The following TET3 variants were observed in gnomAD, a reference collection of about 807,000 sequenced individuals.
TET3 encodes tet methylcytosine dioxygenase 3.
TET3 carries 19 observed loss-of-function variants against 141.4 expected under a neutral mutation model. The ratio of observed to expected loss-of-function variants is 0.13; its 90% confidence interval spans 0.09 to 0.20. The LOEUF (loss-of-function observed/expected upper bound fraction) is 0.20. Among genes scored for constraint, TET3 ranks in the 10% least tolerant of loss-of-function variants. The pLI is 1.00. For missense variants in TET3, 1,874 were observed against 2,356.9 expected, an observed-to-expected ratio of 0.80 and a Z score of 4.24; for synonymous variants, 1,043 against 980.9, an observed-to-expected ratio of 1.06 and a Z score of -1.18.
intron 3 of TET3, among the ~76,000 whole-genome samples, chr2:74,031,929 A>G (rs769464904): frequency 1.8e-4 from 27 of 152,274 alleles, no homozygotes; most frequent in Admixed American, 1.0e-3. Context: ...GGCATCCACT[A>G]TTGACTCTGA....
chr2:74,039,409 T>A (rs532494467), intron 3 of TET3, among the ~76,000 whole-genome samples: 3 of 152,216 alleles, frequency 2.0e-5, no homozygotes, highest in Non-Finnish European at 2.9e-5. Context: ...CACAGGCCCC[T>A]GTAGATACTG....
At chr2:74,034,823 G>A (rs115068327) in intron 3 of TET3, among the ~76,000 whole-genome samples, 4 of 152,166 alleles carry the variant, frequency 2.6e-5, no homozygotes, top group African/African-American at 9.6e-5. Flanking sequence ...GTGCATGTTT[G>A]ACATTAAAAG....
chr2:74,049,601 CT>C (rs1204430179), intron 4 of TET3, among the ~76,000 whole-genome samples: 1 of 152,124 alleles, frequency 6.6e-6, no homozygotes, highest in Non-Finnish European at 1.5e-5. Flanking sequence ...ATATTGAATT[CT>C]TGTGATTTTG....
In TET3 at chr2:74,046,142, G is replaced by T; in HGVS notation, c.361-136G>T. On this transcript the variant is annotated intron_variant, in intron 3 of 11. Transcript: ENST00000409262. This position sits in a 1 kb window ranked among gnomAD's most constrained non-coding sequence, Gnocchi z 4.3. ...AGAGACATGGGAAGATGAATTGGAG[G>T]CTCAAGAAGTACCAGAGAGAGGATT... The T allele has an allele frequency of 1.5e-6, 1 of 670,148 alleles. No individual in the cohort carries two copies. The highest frequency in any genetic ancestry group is 1.8e-5 in the African/African-American group (1 of 54,452). 41.5% of individuals were successfully genotyped at this position (670,148 alleles called of 1,614,324 possible). A position where few individuals can be genotyped will look rare whatever the true frequency, so the allele number is the denominator to read the frequency against.
At chr2:73,996,638 G>C (rs1684606510) in intron 2 of TET3, among the ~76,000 whole-genome samples, 1 of 152,158 alleles carries the variant, frequency 6.6e-6, no homozygotes, top group Non-Finnish European at 1.5e-5. Flanking sequence ...CTCCTGAGTA[G>C]CTGGGATTAC....
At chr2:74,074,261 G>GAA (rs1260857435) in intron 5 of TET3, among the ~76,000 whole-genome samples, 1 of 152,156 alleles carries the variant, frequency 6.6e-6, no homozygotes, top group East Asian at 1.9e-4. Context: ...TTTATTGGAG[G>GAA]AAAAGGTATT....
At chr2:74,024,547 G>A (rs540202351) in intron 3 of TET3, among the ~76,000 whole-genome samples, 6 of 152,198 alleles carry the variant, frequency 3.9e-5, no homozygotes, top group Admixed American at 1.3e-4. Context: ...GGTGTCTGGG[G>A]CTCAGTGTCC....
rs191198364 is a variant in TET3 at position 74,086,018 on chromosome 2, C to T, written c.2680-1812C>T. Among the ~76,000 whole-genome samples the T allele has an allele frequency of 1.9e-3, 297 of 152,328 alleles. 2 individuals are homozygous for T. The highest frequency in any genetic ancestry group is 2.9e-3 in the Non-Finnish European group (197 of 68,030). ...TCAATGGTGTTCCAGCTGGTCTCCC[C>T]GTCTTGCCCTTCTCCCGATTTTCTG... On this transcript the variant is annotated intron_variant, in intron 6 of 11. Transcript: ENST00000409262.
the TET3 span, chr2:74,120,699 A>C: frequency 6.6e-6 from 1 of 152,316 alleles, no homozygotes; most frequent in Non-Finnish European, 1.5e-5. Context: ...GATCAGTTTG[A>C]CAACTTAGAA....
At chr2:74,016,605 C>T (rs1427949470) in intron 3 of TET3, among the ~76,000 whole-genome samples, 1 of 152,016 alleles carries the variant, frequency 6.6e-6, no homozygotes, top group East Asian at 1.9e-4. Context: ...GCCTGTAGTT[C>T]CAGCTATTTG....
chr2:74,127,189 TC>T, the TET3 span, among the ~76,000 whole-genome samples: 10 of 152,224 alleles, frequency 6.6e-5, no homozygotes, highest in Admixed American at 6.6e-4. Flanking sequence ...AGGGACGGAC[TC>T]ATGCTTGTTG....
At position 74,003,176 on chromosome 2, in the gene TET3, G is replaced by A; in HGVS notation, c.360+10G>A. 2 of 1,547,564 alleles carry A rather than the reference G, an allele frequency of 1.3e-6. No homozygotes were observed. The highest frequency in any genetic ancestry group is 1.7e-6 in the Non-Finnish European group (2 of 1,145,710). ...AGGAGCGGCTGTCAAGGTACCTTGT[G>A]TGTGTGCGTGCGTGTGTGTGCGTGT... On this transcript the variant is annotated intron_variant, in intron 3 of 11. Coordinates refer to ENST00000409262, the MANE Select transcript of TET3 (RefSeq NM_001287491.2).
chr2:74,053,039 T>C (rs1438597219), intron 4 of TET3, among the ~76,000 whole-genome samples: 2 of 152,220 alleles, frequency 1.3e-5, no homozygotes, highest in Admixed American at 1.3e-4. Context: ...TGGATTTTTT[T>C]ATCTGAATCT....
chr2:74,036,697 C>T (rs902423954), intron 3 of TET3, among the ~76,000 whole-genome samples: 3 of 152,194 alleles, frequency 2.0e-5, no homozygotes, highest in African/African-American at 7.2e-5. Context: ...GAATGTGCGA[C>T]AATTTGCATG....
intron 4 of TET3, among the ~76,000 whole-genome samples, chr2:74,051,890 A>G (rs1426006295): frequency 6.6e-6 from 1 of 152,238 alleles, no homozygotes; most frequent in Non-Finnish European, 1.5e-5. Context: ...CACTAAAACA[A>G]TGGTAGTAGA....
chr2:74,058,046 A>G (rs1462684627), intron 4 of TET3, among the ~76,000 whole-genome samples: 1 of 152,220 alleles, frequency 6.6e-6, no homozygotes, highest in Non-Finnish European at 1.5e-5. Flanking sequence ...ATAAAAAATG[A>G]AAGATGAGGT....
intron 6 of TET3, among the ~76,000 whole-genome samples, chr2:74,086,574 G>A (rs1205283995): frequency 6.6e-6 from 1 of 151,994 alleles, no homozygotes; most frequent in Non-Finnish European, 1.5e-5. Flanking sequence ...GATCACGTGA[G>A]CCCCAGCAGT....
At chr2:74,056,216 G>T (rs982137569) in intron 4 of TET3, among the ~76,000 whole-genome samples, 2 of 152,214 alleles carry the variant, frequency 1.3e-5, no homozygotes, top group Non-Finnish European at 2.9e-5. Context: ...CTGGAAAAAT[G>T]TGGATGCCTT....
rs2104246545 is a variant in TET3, at chr2:74,103,019, G to A, written c.*843G>A. On this transcript the variant is annotated 3_prime_UTR_variant, in exon 12 of 12. Coordinates refer to ENST00000409262, the MANE Select transcript of TET3 (RefSeq NM_001287491.2). Reference sequence around the variant, plus strand: ...CTGAATCCTCTGTCCGTTATTTATGGAGTCACACGATGTCATGGTTCACTA... The same window carrying A: ...CTGAATCCTCTGTCCGTTATTTATGAAGTCACACGATGTCATGGTTCACTA... 6.6e-6 allele frequency: 1 copy of A among 152,354 alleles called. No homozygotes were observed. The highest frequency in any genetic ancestry group is 1.9e-4 in the East Asian group (1 of 5,184). 9.4% of individuals were successfully genotyped at this position (152,354 alleles called of 1,614,324 possible).
Sources: gnomAD v4.1 joint callset for allele counts (sites outside exome capture counted in the v4.1 genomes callset) on GRCh38, gnomAD v4.1.1 for gene constraint, Gnocchi (gnomAD v3.1) non-coding constraint, MANE v1.5 for transcripts, NCBI Gene and HGNC (gene_info 2026-07-23, HGNC 2026-07-21) for gene names.